The following ARHGAP26 variants were observed in gnomAD, a reference collection of about 807,000 sequenced individuals.
ARHGAP26 encodes the protein rho GTPase-activating protein 26.
A neutral mutation model predicts 104.8 loss-of-function variants in ARHGAP26; 38 were observed. The observed-to-expected ratio is 0.36, with a 90% CI of 0.28 to 0.48. The LOEUF (loss-of-function observed/expected upper bound fraction) is 0.48. ARHGAP26 is among the 20% of genes least tolerant of loss of function. The pLI, the probability that ARHGAP26 is intolerant of heterozygous loss-of-function variation, is 0.99. For missense variants in ARHGAP26, 704 were observed against 947.9 expected (o/e 0.74, Z 3.38); for synonymous variants, 341 against 340.0 (o/e 1.00, Z -0.03).
Position 143,009,462 on chromosome 5 carries a change from A to G in ARHGAP26, c.1108-4618A>G, listed in dbSNP as rs79745224. The stretch of plus-strand genomic sequence containing the variant: ...TTGGCCATGTGACCTAACTTCTCTA[A>G]TGCCTCAGTTTTCTCATCTCTGTGA... On this transcript the variant is annotated intron_variant, in intron 11 of 22. Coordinates refer to ENST00000645722, the MANE Select transcript of ARHGAP26 (RefSeq NM_001135608.3). Among the ~76,000 whole-genome samples, 1,074 of 152,262 alleles carry G rather than the reference A, an allele frequency of 7.1e-3. 31 individuals carry two copies. In the East Asian group the frequency reaches 0.084, roughly 12 times the overall value.
intron 21 of ARHGAP26, among the ~76,000 whole-genome samples, chr5:143,213,064 G>A (rs1392456817): frequency 5.9e-5 from 9 of 152,188 alleles, no homozygotes; most frequent in Non-Finnish European, 8.8e-5. Context: ...AGAATGGCGT[G>A]AACCCAGGAG....
chr5:142,927,703 G>A (rs1764120674), intron 10 of ARHGAP26, among the ~76,000 whole-genome samples: 1 of 152,188 alleles, frequency 6.6e-6, no homozygotes, highest in African/African-American at 2.4e-5. Context: ...AGGTAGAATT[G>A]CTAGGTCATA....
At chr5:143,046,878 T>C (rs970512901) in intron 14 of ARHGAP26, among the ~76,000 whole-genome samples, 1 of 152,216 alleles carries the variant, frequency 6.6e-6, no homozygotes, top group African/African-American at 2.4e-5. Flanking sequence ...TTCTATATAC[T>C]AGAGTTAACC....
At chr5:142,917,892 T>C (rs2152496618) in intron 10 of ARHGAP26, among the ~76,000 whole-genome samples, 1 of 152,180 alleles carries the variant, frequency 6.6e-6, no homozygotes, top group Middle Eastern at 3.4e-3. Flanking sequence ...ACAGCTAGCA[T>C]GAGTAGGAGA....
intron 3 of ARHGAP26, among the ~76,000 whole-genome samples, chr5:142,877,548 A>G (rs1756309553): frequency 6.6e-6 from 1 of 152,210 alleles, no homozygotes; most frequent in South Asian, 2.1e-4. Flanking sequence ...ACCATCTGCA[A>G]TTGCTCATTT....
chr5:142,998,153 A>G (rs780945777), intron 11 of ARHGAP26, among the ~76,000 whole-genome samples: 8 of 152,266 alleles, frequency 5.3e-5, no homozygotes, highest in Middle Eastern at 3.4e-3. Flanking sequence ...AATTGACTCT[A>G]TATGTATGTG....
rs1401530161 is a variant in ARHGAP26 at position 142,931,377 on chromosome 5, A to G, written c.1029-670A>G. ...GGGAACTGAACAAAACCCATTTGATATTGTATGCATGTCTTCTGGAGGGCT... is the reference window on the plus strand; with the variant it reads ...GGGAACTGAACAAAACCCATTTGATGTTGTATGCATGTCTTCTGGAGGGCT... On this transcript the variant is annotated intron_variant, in intron 10 of 22. Transcript: ENST00000645722. Among the ~76,000 whole-genome samples the G allele has an allele frequency of 2.6e-5, 4 of 152,184 alleles. No homozygotes were observed. In the South Asian group the frequency reaches 6.2e-4, roughly 24 times the overall value.
chr5:143,000,434 A>G (rs1777030154), intron 11 of ARHGAP26, among the ~76,000 whole-genome samples: 1 of 152,288 alleles, frequency 6.6e-6, no homozygotes, highest in African/African-American at 2.4e-5. Flanking sequence ...ATTTCAACTC[A>G]GAAGTAAAAA....
chr5:143,060,759 C>T (rs1311350292), intron 17 of ARHGAP26, among the ~76,000 whole-genome samples: 1 of 151,912 alleles, frequency 6.6e-6, no homozygotes, highest in Non-Finnish European at 1.5e-5. Context: ...GGCTCGCTGC[C>T]TGGGAATCTG....
chr5:143,164,685 A>G (rs1801695323), intron 20 of ARHGAP26, among the ~76,000 whole-genome samples: 1 of 152,198 alleles, frequency 6.6e-6, no homozygotes, highest in African/African-American at 2.4e-5. Context: ...TATTTTGACT[A>G]TAGCTAGCTC....
Position 143,179,578 on chromosome 5 carries a change from G to A in ARHGAP26, c.1989-27620G>A, listed in dbSNP as rs572531813. Among the ~76,000 whole-genome samples the A allele has an allele frequency of 4.6e-5, 7 of 152,300 alleles. No individual in the cohort carries two copies. The South Asian group carries it at 1.2e-3, about 27-fold the overall frequency. ...CCCACACCTGGGGCTTGGCTCCCTG[G>A]GAGAGAAGGAGAGTTCTTAGCTGCA... is the stretch of plus-strand genomic sequence containing the variant. On this transcript the variant is annotated intron_variant, in intron 20 of 22. Coordinates refer to ENST00000645722, the MANE Select transcript of ARHGAP26 (RefSeq NM_001135608.3).
intron 11 of ARHGAP26, among the ~76,000 whole-genome samples, chr5:143,011,487 C>T (rs1778746154): frequency 6.6e-6 from 1 of 152,104 alleles, no homozygotes; most frequent in Non-Finnish European, 1.5e-5. Flanking sequence ...ATTATAAGCA[C>T]ACAGTAAATA....
intron 20 of ARHGAP26, among the ~76,000 whole-genome samples, chr5:143,149,662 C>T (rs904494193): frequency 2.0e-5 from 3 of 152,188 alleles, no homozygotes; most frequent in African/African-American, 7.2e-5. Context: ...CCTGAGACGA[C>T]TTGGGTCTCA....
intron 4 of ARHGAP26, among the ~76,000 whole-genome samples, chr5:142,880,829 T>C (rs1370564093): frequency 6.6e-6 from 1 of 152,190 alleles, no homozygotes; most frequent in Non-Finnish European, 1.5e-5. Flanking sequence ...GATTAGGGCC[T>C]GCAAAAGATG....
At position 142,879,406 on chromosome 5, in the gene ARHGAP26, C is replaced by T. The variant is rs530958843; in HGVS notation, c.345C>T (p.Pro115=). Residue 115 remains proline, a synonymous_variant, in exon 4 of 23, where the codon CCC becomes CCT. Transcript: ENST00000645722. ...IENASEVLIT[P]LEKFRKEQIG... Reference sequence around the variant, plus strand: ...ATGCCAGCGAGGTGCTCATCACTCCCTTGGAGAAGTTTCGAAAGGAACAGA... The same window carrying T: ...ATGCCAGCGAGGTGCTCATCACTCCTTTGGAGAAGTTTCGAAAGGAACAGA... The T allele has an allele frequency of 6.2e-7, 1 of 1,614,014 alleles. No individual in the cohort carries two copies. The highest frequency in any genetic ancestry group is 1.3e-5 in the African/African-American group (1 of 75,010).
Position 142,790,137 on chromosome 5 carries a change from A to G in ARHGAP26, c.154+19222A>G, listed in dbSNP as rs894887370. Among the ~76,000 whole-genome samples the G allele has an allele frequency of 3.9e-5, 6 of 152,352 alleles. No individual in the cohort carries two copies. The South Asian group carries it at 1.2e-3, about 32-fold the overall frequency. ...GAGCTTTTGTTTTTGTGGGCAGACA[A>G]ACAAGTAAACAAGTGAGCAGGATGC... On this transcript the variant is annotated intron_variant, in intron 1 of 22. Coordinates refer to ENST00000645722, the MANE Select transcript of ARHGAP26 (RefSeq NM_001135608.3).
chr5:142,945,786 T>C (rs189314277), intron 11 of ARHGAP26, among the ~76,000 whole-genome samples: 45 of 152,332 alleles, frequency 3.0e-4, no homozygotes, highest in Admixed American at 2.1e-3. Context: ...AGTACAATGA[T>C]CAGACCTGGA....
intron 20 of ARHGAP26, among the ~76,000 whole-genome samples, chr5:143,157,038 GGCTATGTGATACTGAA>G (rs1419699027): frequency 1.3e-5 from 2 of 152,198 alleles, no homozygotes; most frequent in African/African-American, 4.8e-5. Flanking sequence ...ATAGCTCTCA[GGCTATGTGATACTGAA>G]GGTGATGGAT....
chr5:142,973,312 A>C, intron 11 of ARHGAP26, among the ~76,000 whole-genome samples: 1 of 152,210 alleles, frequency 6.6e-6, no homozygotes, highest in Admixed American at 6.5e-5. Context: ...AGTATTTTCT[A>C]TGTGATGCAG....
Sources: gnomAD v4.1 joint callset for allele counts (sites outside exome capture counted in the v4.1 genomes callset) on GRCh38, gnomAD v4.1.1 for gene constraint, MANE v1.5 for transcripts, NCBI Gene and HGNC (gene_info 2026-07-23, HGNC 2026-07-21) for gene names.